SBF2: variants seen among roughly 807,000 people sequenced by gnomAD.
The protein encoded by SBF2 is myotubularin-related protein 13.
Under a neutral mutation model 225.2 loss-of-function variants are expected in SBF2, and 112 were observed. That is an observed-to-expected ratio of 0.50 (90% CI 0.43 to 0.58). SBF2 has a LOEUF of 0.58. SBF2 is among the 20% of genes least tolerant of loss of function. The probability of loss-of-function intolerance (pLI) is 0.00; values close to 1 mark genes in which losing one functional copy is unlikely to be tolerated. For missense variants in SBF2, 1,996 were observed against 2,206.2 expected (o/e 0.90, Z 1.91); for synonymous variants, 763 against 773.3 (o/e 0.99, Z 0.22).
intron 16 of SBF2, among the ~76,000 whole-genome samples, chr11:9,946,701 C>T (rs1420759532): frequency 5.3e-5 from 8 of 152,216 alleles, no homozygotes; most frequent in African/African-American, 1.7e-4. Context: ...CCGCCCGCCT[C>T]GGCCTCCCAG....
chr11:10,136,392 A>C (rs1460792893), intron 2 of SBF2, among the ~76,000 whole-genome samples: 1 of 152,168 alleles, frequency 6.6e-6, no homozygotes, highest in African/African-American at 2.4e-5. Context: ...GATCACCAGA[A>C]AGACCAAGCC....
At chr11:9,780,910 G>A in intron 39 of SBF2, 2 of 307,112 alleles carry the variant, frequency 6.5e-6, no homozygotes, top group South Asian at 6.3e-5. Flanking sequence ...CCATAAAGTT[G>A]GCCTTCGTGT....
chr11:10,276,696 A>T (rs1441238208), intron 1 of SBF2, among the ~76,000 whole-genome samples: 2 of 152,218 alleles, frequency 1.3e-5, no homozygotes, highest in Admixed American at 1.3e-4. Context: ...AGGATAACTC[A>T]GTGTAACCAT....
chr11:10,002,838 T>A, intron 6 of SBF2, 149 bp from the exon 7 acceptor site: 1 of 739,114 alleles, frequency 1.4e-6, no homozygotes. Flanking sequence ...CCATATAATC[T>A]ATGAGTATTT....
At chr11:9,966,585 G>GA (rs1445143248) in intron 14 of SBF2, among the ~76,000 whole-genome samples, 2 of 151,942 alleles carry the variant, frequency 1.3e-5, no homozygotes, top group Admixed American at 6.6e-5. Context: ...CTCAATAGCT[G>GA]AAAAAAAGAC....
intron 2 of SBF2, among the ~76,000 whole-genome samples, chr11:10,063,933 A>AT (rs1402601828): frequency 6.6e-6 from 1 of 152,070 alleles, no homozygotes; most frequent in African/African-American, 2.4e-5. Flanking sequence ...GGCCTAAAAT[A>AT]TAAGTAACAG....
chr11:10,034,750 C>T (rs1372989014), intron 3 of SBF2, among the ~76,000 whole-genome samples: 1 of 152,046 alleles, frequency 6.6e-6, no homozygotes, highest in African/African-American at 2.4e-5. Context: ...AGCAAGTATA[C>T]CATTATATAG....
rs1196873902 is a variant in SBF2 at position 10,227,666 on chromosome 11, G to C, written c.56-33679C>G. Among the ~76,000 whole-genome samples, 3 of 152,138 alleles carry C rather than the reference G, an allele frequency of 2.0e-5. No individual in the cohort carries two copies. The East Asian group carries it at 5.8e-4, about 29-fold the overall frequency. On this transcript the variant is annotated intron_variant, in intron 1 of 39. Transcript: ENST00000256190. ...GCATTATTTCTGAGGGCTCTGTTCT[G>C]TTCCATTGGTCTATATATCTGTTTT...
intron 16 of SBF2, among the ~76,000 whole-genome samples, chr11:9,903,796 A>C (rs1042780773): frequency 1.3e-5 from 2 of 152,070 alleles, no homozygotes; most frequent in Non-Finnish European, 2.9e-5. Flanking sequence ...TGTGTTTAGG[A>C]AGTTGTATGC....
intron 1 of SBF2, among the ~76,000 whole-genome samples, chr11:10,274,750 CAAAAAAA>C (rs200010291): frequency 9.5e-6 from 1 of 105,046 alleles, no homozygotes; most frequent in Admixed American, 9.5e-5. Context: ...GACTCCATCT[CAAAAAAA>C]AAAAAAAAAA....
chr11:10,277,489 A>G (rs1963052670), intron 1 of SBF2, among the ~76,000 whole-genome samples: 1 of 152,196 alleles, frequency 6.6e-6, no homozygotes, highest in African/African-American at 2.4e-5. Flanking sequence ...ATTTCCTAAT[A>G]TTTACAAACT....
At chr11:9,976,202 T>C (rs766481152) in intron 13 of SBF2, among the ~76,000 whole-genome samples, 34 of 151,514 alleles carry the variant, frequency 2.2e-4, no homozygotes, top group Non-Finnish European at 3.8e-4. Flanking sequence ...GCCTCCCGAG[T>C]AGCTGGGATT....
chr11:10,174,691 C>A (rs913927408), intron 2 of SBF2, among the ~76,000 whole-genome samples: 1 of 152,084 alleles, frequency 6.6e-6, no homozygotes, highest in East Asian at 1.9e-4. Context: ...AGAAGAGCAA[C>A]TCCAAGACAC....
rs1206899890 is a variant in SBF2 at position 9,839,600 on chromosome 11, T to A, written c.3353A>T (p.Tyr1118Phe). The change falls in exon 26 of 40, where the codon TAT becomes TTT. Residue 1118 changes from tyrosine (Y) to phenylalanine (F), a missense_variant. Transcript: ENST00000256190. Reference sequence around the variant, plus strand: ...TATGGTTCCTAAACCTAAACGCTGATAGTCTCTGAAACAAGCTTTTTCCAC... The same window carrying A: ...TATGGTTCCTAAACCTAAACGCTGAAAGTCTCTGAAACAAGCTTTTTCCAC... Reference protein sequence around the residue: ...QLVEKACFRDYQRLGLGTISG... With the variant: ...QLVEKACFRDFQRLGLGTISG... The A allele has an allele frequency of 1.9e-6, 3 of 1,614,006 alleles. No individual in the cohort carries two copies. Among genetic ancestry groups the A allele is most frequent in the Non-Finnish European group, 2.5e-6 (3 of 1,180,018 alleles).
At chr11:9,826,729 ATATGTGTG>A (rs779472033) in intron 28 of SBF2, among the ~76,000 whole-genome samples, 21 of 146,864 alleles carry the variant, frequency 1.4e-4, no homozygotes, top group African/African-American at 5.1e-4. Context: ...ATATATATAT[ATATGTGTG>A]TGTGTGTGTG....
intron 24 of SBF2, among the ~76,000 whole-genome samples, chr11:9,844,215 T>C (rs986687022): frequency 6.6e-6 from 1 of 152,186 alleles, no homozygotes; most frequent in African/African-American, 2.4e-5. Flanking sequence ...TGCTTCAGCA[T>C]ACCATACCTG....
chr11:10,041,670 C>T (rs1949663083), intron 3 of SBF2, among the ~76,000 whole-genome samples: 1 of 152,172 alleles, frequency 6.6e-6, no homozygotes, highest in South Asian at 2.1e-4. Context: ...TTTGTCTCTT[C>T]TTGTACTCAA....
chr11:9,977,770 A>G (rs560864113), intron 13 of SBF2, among the ~76,000 whole-genome samples: 1 of 152,170 alleles, frequency 6.6e-6, no homozygotes, highest in East Asian at 1.9e-4. Flanking sequence ...AAGTCACCAA[A>G]TGCCTTTCTT....
chr11:9,847,028 C>T lies in SBF2; in HGVS notation c.2862G>A (p.Lys954=). Residue 954 remains lysine, a synonymous_variant, in exon 23 of 40, where the codon AAG becomes AAA. Transcript: ENST00000256190. The part of the protein sequence containing the change: ...SFPIASITKE[K]KITMQNQLQQ... ...GTAGCTGGTTCTGCATTGTAATCTTCTTCTCCTTGGTGATGGAGGCAATGG... is the reference window on the plus strand; with the variant it reads ...GTAGCTGGTTCTGCATTGTAATCTTTTTCTCCTTGGTGATGGAGGCAATGG... 6.2e-7 allele frequency: 1 copy of T among 1,613,880 alleles called. No individual in the cohort carries two copies. The highest frequency in any genetic ancestry group is 8.5e-7 in the Non-Finnish European group (1 of 1,179,772).
Sources: gnomAD v4.1 joint callset for allele counts (sites outside exome capture counted in the v4.1 genomes callset) on GRCh38, gnomAD v4.1.1 for gene constraint, MANE v1.5 for transcripts, NCBI Gene and HGNC (gene_info 2026-07-23, HGNC 2026-07-21) for gene names.